CPD: variants seen among roughly 807,000 people sequenced by gnomAD.
The protein encoded by CPD is metallocarboxypeptidase D.
A neutral mutation model predicts 138.3 loss-of-function variants in CPD; 69 were observed. The ratio of observed to expected loss-of-function variants is 0.50; its 90% CI spans 0.41 to 0.61. CPD has a LOEUF of 0.61. Ranked by LOEUF, CPD falls within the 20% of genes least tolerant of loss-of-function variation. CPD has a pLI of 0.00. For missense variants in CPD, 1,432 were observed against 1,733.3 expected, an observed-to-expected ratio of 0.83 and a Z score of 3.09; for synonymous variants, 651 against 642.1, an observed-to-expected ratio of 1.01 and a Z score of -0.21.
At chr17:30,464,555 A>G in intron 20 of CPD, 33 bp from the exon 21 acceptor site, 1 of 1,565,142 alleles carries the variant, frequency 6.4e-7, no homozygotes, top group Non-Finnish European at 8.8e-7. Context: ...CTTAAAGTAT[A>G]ATATCACCCA....
intron 20 of CPD, among the ~76,000 whole-genome samples, chr17:30,462,891 A>G (rs1045844027): frequency 5.9e-5 from 9 of 151,998 alleles, no homozygotes; most frequent in Admixed American, 1.3e-4. Flanking sequence ...GATGGGCCAA[A>G]ATAAAGGGAT....
chr17:30,447,723 T>A (rs1454400430), intron 12 of CPD, among the ~76,000 whole-genome samples: 1 of 152,170 alleles, frequency 6.6e-6, no homozygotes, highest in Non-Finnish European at 1.5e-5. Flanking sequence ...TAGGGACATG[T>A]GTGATCGTGG....
chr17:30,379,625 C>T lies in CPD; in HGVS notation c.645C>T (p.Asp215=), dbSNP rs1167061293. ...ASGRDNSRGR[D]LNRSFPDQFS... is the part of the protein sequence containing the mutation. ...GCCGCGACAATAGTCGCGGCCGCGA[C>T]CTCAACCGAAGCTTTCCCGACCAGT... The change falls in exon 1 of 21, where the codon GAC becomes GAT. Residue 215 remains aspartate (D), a synonymous_variant. Coordinates refer to ENST00000225719, the MANE Select transcript of CPD (RefSeq NM_001304.5). The surrounding 1 kb of genome is among the most constrained non-coding windows in gnomAD (Gnocchi z 7.0). 1.3e-6 allele frequency: 2 copies of T among 1,492,254 alleles called. No individual in the cohort carries two copies. The allele number at this position is 1,492,254 out of a possible 1,614,324, so 92.4% of individuals were successfully genotyped here.
At chr17:30,408,897 G>C (rs1442673612) in intron 2 of CPD, among the ~76,000 whole-genome samples, 1 of 152,032 alleles carries the variant, frequency 6.6e-6, no homozygotes, top group Non-Finnish European at 1.5e-5. Flanking sequence ...GTTTTCAAAG[G>C]GAATGCTTGC....
chr17:30,464,913 C>T lies in CPD; in HGVS notation c.*99C>T. The T allele has an allele frequency of 1.1e-6, 1 of 936,634 alleles. No homozygotes were observed. Among genetic ancestry groups the T allele is most frequent in the Non-Finnish European group, 1.7e-6 (1 of 605,662 alleles). The allele number at this position is 936,634 out of a possible 1,614,324, so 58.0% of individuals were successfully genotyped here. A position where few individuals can be genotyped will look rare whatever the true frequency, so the allele number is the denominator to read the frequency against. On this transcript the variant is annotated 3_prime_UTR_variant, in exon 21 of 21. Transcript: ENST00000225719. ...AAGAAGAGAGACTCTCTTGCTTCTT[C>T]AAAGAGCTTTGGGAAATTAAATTGC...
In CPD at chr17:30,427,444, C is replaced by T; in HGVS notation, c.1903C>T (p.Arg635Ter). 6.2e-7 allele frequency: 1 copy of T among 1,614,032 alleles called. No homozygotes were observed. Among genetic ancestry groups the T allele is most frequent in the Non-Finnish European group, 8.5e-7 (1 of 1,179,958 alleles). ...CAACAGCAACAACTTTGACCTGAAC[C>T]GAAATTTCCCAGACCAGTTTGTTCA... ...RNNSNNFDLN[R>*]NFPDQFVQIT... Residue 635 changes from arginine (R) to a stop codon, truncating the protein, a stop_gained, in exon 7 of 21, where the codon CGA becomes TGA. Transcript: ENST00000225719. LOFTEE classifies it high-confidence loss of function.
chr17:30,379,692 G>A lies in CPD; in HGVS notation c.712G>A (p.Val238Met). 1 of 1,512,840 alleles carries A rather than the reference G, an allele frequency of 6.6e-7. No homozygotes were observed. Among genetic ancestry groups the A allele is most frequent in the Non-Finnish European group, 8.7e-7 (1 of 1,148,844 alleles). The allele number at this position is 1,512,840 out of a possible 1,614,324, so 93.7% of individuals were successfully genotyped here. ...CCCCGCCCTGGACGAGGTGCCCGAG[G>A]TGCGCGCCCTCATCGAGTGGATCCG... is the stretch of plus-strand genomic sequence containing the variant. ...EPPALDEVPEVRALIEWIRRN... is the reference protein window; with the variant it reads ...EPPALDEVPEMRALIEWIRRN... The change falls in exon 1 of 21, where the codon GTG becomes ATG. Residue 238 changes from valine (V) to methionine (M), a missense_variant. Val to Met is a conservative substitution (Grantham distance 21). Transcript: ENST00000225719. This position sits in a 1 kb window ranked among gnomAD's most constrained non-coding sequence, Gnocchi z 7.0.
At chr17:30,404,123 A>G (rs895254071) in intron 2 of CPD, among the ~76,000 whole-genome samples, 2 of 152,132 alleles carry the variant, frequency 1.3e-5, no homozygotes, top group Admixed American at 6.6e-5. Flanking sequence ...GGATATAGAA[A>G]TGTTCTGTAT....
Position 30,403,378 on chromosome 17 carries a change from G to A in CPD, c.995-17463G>A, listed in dbSNP as rs139774884. On this transcript the variant is annotated intron_variant, in intron 2 of 20. Transcript: ENST00000225719. ...TTAAGGTCAGACCTGTACATGTGCA[G>A]TTTAGAGATGATCCCAGGTGGTCAC... Among the ~76,000 whole-genome samples, 376 of 152,242 alleles carry A rather than the reference G, an allele frequency of 2.5e-3. 1 individual carries two copies. Among genetic ancestry groups the A allele is most frequent in the African/African-American group, 8.6e-3 (359 of 41,530 alleles).
At chr17:30,428,209 C>T (rs1912472131) in intron 7 of CPD, among the ~76,000 whole-genome samples, 1 of 152,116 alleles carries the variant, frequency 6.6e-6, no homozygotes. Context: ...CAGGATGGAT[C>T]GGTTGAATAG....
chr17:30,448,192 C>T (rs1913077101), intron 12 of CPD, among the ~76,000 whole-genome samples: 1 of 152,122 alleles, frequency 6.6e-6, no homozygotes, highest in Non-Finnish European at 1.5e-5. Flanking sequence ...AGTTCATATA[C>T]TTTTTTATTT....
At chr17:30,388,616 G>T (rs879608949) in intron 2 of CPD, among the ~76,000 whole-genome samples, 13 of 152,200 alleles carry the variant, frequency 8.5e-5, no homozygotes, top group Non-Finnish European at 1.8e-4. Context: ...CTCCAAGCCT[G>T]CAAGGGTAAG....
intron 17 of CPD, chr17:30,456,967 G>A (rs909025876): frequency 1.2e-5 from 2 of 161,920 alleles, no homozygotes; most frequent in Non-Finnish European, 2.7e-5. Flanking sequence ...TTCTTGACAT[G>A]TTTAGCCCTT....
At chr17:30,383,143 T>C (rs1911094784) in intron 1 of CPD, among the ~76,000 whole-genome samples, 1 of 152,216 alleles carries the variant, frequency 6.6e-6, no homozygotes, top group African/African-American at 2.4e-5. Flanking sequence ...TTCTGTATCA[T>C]TCTATTACCC....
intron 2 of CPD, among the ~76,000 whole-genome samples, chr17:30,414,128 CT>C (rs1912041964): frequency 6.6e-6 from 1 of 152,230 alleles, no homozygotes; most frequent in African/African-American, 2.4e-5. Context: ...ACTGAAAAGA[CT>C]TTGGCTTTTA....
At position 30,465,138 on chromosome 17, in the gene CPD, A is replaced by G. The variant is rs1263048477; in HGVS notation, c.*324A>G. On this transcript the variant is annotated 3_prime_UTR_variant, in exon 21 of 21. Coordinates refer to ENST00000225719, the MANE Select transcript of CPD (RefSeq NM_001304.5). ...GAGGATGTTGTATTTTGCACATCAG[A>G]TGTTTACTAGTGGCTTTAGTATTTT... is the stretch of plus-strand genomic sequence containing the variant. 4.0e-6 allele frequency: 1 copy of G among 251,170 alleles called. No homozygotes were observed. The highest frequency in any genetic ancestry group is 2.3e-5 in the African/African-American group (1 of 44,178). 15.6% of individuals were successfully genotyped at this position (251,170 alleles called of 1,614,324 possible).
intron 5 of CPD, 28 bp from the exon 6 acceptor site, chr17:30,423,478 G>A (rs757086425): frequency 2.2e-5 from 32 of 1,446,384 alleles, no homozygotes; most frequent in Non-Finnish European, 2.9e-5. Flanking sequence ...AGGAAAAAAA[G>A]CCTTCCATGT....
rs771974141 is a variant in CPD, at chr17:30,445,915, C to T, written c.2768C>T (p.Ser923Phe). Residue 923 changes from serine to phenylalanine, a missense_variant, in exon 12 of 21, where the codon TCC becomes TTC. Transcript: ENST00000225719. Reference sequence around the variant, plus strand: ...TTGGAAAGCCTCATGTTACGCTCCTCCTCAAATCTGGCTCTGGCTCTTTAT... The same window carrying T: ...TTGGAAAGCCTCATGTTACGCTCCTTCTCAAATCTGGCTCTGGCTCTTTAT... The part of the protein sequence containing the change: ...NGLESLMLRS[S>F]SNLALALYRY... The T allele has an allele frequency of 3.7e-6, 6 of 1,614,078 alleles. No individual in the cohort carries two copies. The highest frequency in any genetic ancestry group is 1.1e-5 in the South Asian group (1 of 91,090).
intron 2 of CPD, among the ~76,000 whole-genome samples, chr17:30,407,771 G>A (rs946349964): frequency 1.2e-4 from 18 of 152,142 alleles, no homozygotes; most frequent in Admixed American, 3.9e-4. Flanking sequence ...TAGGTTGCCT[G>A]TTCACTCTGA....
Sources: allele counts gnomAD v4.1 joint callset (sites outside exome capture counted in the v4.1 genomes callset), GRCh38; gene constraint gnomAD v4.1.1; non-coding constraint Gnocchi (gnomAD v3.1); transcripts MANE v1.5; gene names NCBI Gene and HGNC (gene_info 2026-07-23, HGNC 2026-07-21).